The following PIK3C2G variants were observed in gnomAD, a reference collection of about 807,000 sequenced individuals.
The protein encoded by PIK3C2G is phosphatidylinositol-4-phosphate 3-kinase catalytic subunit type 2 gamma.
A neutral mutation model predicts 181.1 loss-of-function variants in PIK3C2G; 168 were observed. The ratio of observed to expected loss-of-function variants is 0.93; its 90% CI spans 0.82 to 1.05. PIK3C2G has a LOEUF of 1.05. PIK3C2G is among the 50% of genes least tolerant of loss of function. The pLI, the probability that PIK3C2G is intolerant of heterozygous loss-of-function variation, is 0.00. For synonymous variants in PIK3C2G, 573 were observed against 592.2 expected (o/e 0.97, Z 0.47); for missense variants, 1,869 against 1,732.8 (o/e 1.08, Z -1.40).
chr12:18,493,965 C>G (rs1298705993), intron 20 of PIK3C2G, among the ~76,000 whole-genome samples: 1 of 152,178 alleles, frequency 6.6e-6, no homozygotes, highest in Non-Finnish European at 1.5e-5. Flanking sequence ...GTGGGAGGAA[C>G]TGAATGCAAT....
At chr12:18,711,687 A>T in the PIK3C2G span, among the ~76,000 whole-genome samples, 31 of 151,922 alleles carry the variant, frequency 2.0e-4, no homozygotes, top group Non-Finnish European at 4.0e-4. Flanking sequence ...GATGGGGAAG[A>T]TCGTGGCGAG....
intron 29 of PIK3C2G, among the ~76,000 whole-genome samples, chr12:18,571,331 G>T (rs1945929686): frequency 6.6e-6 from 1 of 150,482 alleles, no homozygotes; most frequent in African/African-American, 2.5e-5. Flanking sequence ...AAAATTCCAT[G>T]CATGCTTTAG....
At chr12:18,683,714 A>T in the PIK3C2G span, 1 of 1,003,876 alleles carries the variant, frequency 1.0e-6, no homozygotes, top group Non-Finnish European at 1.4e-6. Context: ...TGCAACATAA[A>T]GGTAGTCAGC....
intron 23 of PIK3C2G, 130 bp downstream of exon 23, chr12:18,503,547 T>A: frequency 1.8e-6 from 1 of 564,256 alleles, no homozygotes; most frequent in Non-Finnish European, 2.9e-6. Context: ...GCCCAGTAAT[T>A]AATTAATCAG....
At chr12:18,621,461 A>G (rs1216843558) in intron 31 of PIK3C2G, among the ~76,000 whole-genome samples, 1 of 151,842 alleles carries the variant, frequency 6.6e-6, no homozygotes, top group South Asian at 2.1e-4. Context: ...TTAGAAAAAG[A>G]ATTATATCTA....
At chr12:18,608,824 G>A (rs2136590812) in intron 30 of PIK3C2G, among the ~76,000 whole-genome samples, 1 of 152,160 alleles carries the variant, frequency 6.6e-6, no homozygotes, top group East Asian at 1.9e-4. Flanking sequence ...AAGGCATTTT[G>A]ATCAAAAAAT....
At chr12:18,499,311 G>C (rs556618219) in intron 22 of PIK3C2G, among the ~76,000 whole-genome samples, 133 of 152,254 alleles carry the variant, frequency 8.7e-4, no homozygotes, top group African/African-American at 3.1e-3. Flanking sequence ...ATTTTTAGAA[G>C]ATTAGGTTGC....
intron 1 of PIK3C2G, among the ~76,000 whole-genome samples, chr12:18,276,456 C>G (rs1210819849): frequency 1.3e-5 from 2 of 152,142 alleles, no homozygotes; most frequent in African/African-American, 4.8e-5. Flanking sequence ...TTCTTGAAAC[C>G]AGGTCTCAAG....
chr12:18,290,620 G>A (rs1221533984), intron 3 of PIK3C2G, among the ~76,000 whole-genome samples: 2 of 152,096 alleles, frequency 1.3e-5, no homozygotes, highest in African/African-American at 4.8e-5. Flanking sequence ...AGATGCTCCT[G>A]GGAAAGCCTA....
chr12:18,571,564 T>C (rs985097897), intron 29 of PIK3C2G, among the ~76,000 whole-genome samples: 13 of 150,912 alleles, frequency 8.6e-5, no homozygotes, highest in Non-Finnish European at 1.6e-4. Flanking sequence ...GTTATATTTT[T>C]CCCATTATAT....
At chr12:18,722,432 G>T in the PIK3C2G span, among the ~76,000 whole-genome samples, 4 of 152,082 alleles carry the variant, frequency 2.6e-5, no homozygotes, top group African/African-American at 4.8e-5. Flanking sequence ...AATAAGTTTG[G>T]TTTTTTAGAA....
the PIK3C2G span, chr12:18,688,137 C>T: frequency 6.2e-7 from 1 of 1,611,550 alleles, no homozygotes; most frequent in Non-Finnish European, 8.5e-7. Context: ...TCATTTGGAA[C>T]ACCAAAAACT....
the PIK3C2G span, among the ~76,000 whole-genome samples, chr12:18,662,703 A>G: frequency 6.6e-6 from 1 of 152,124 alleles, no homozygotes; most frequent in Non-Finnish European, 1.5e-5. Flanking sequence ...TGAAGCATCA[A>G]TAACTGAAAA....
chr12:18,472,864 T>C (rs1337018723), intron 18 of PIK3C2G, among the ~76,000 whole-genome samples: 1 of 152,080 alleles, frequency 6.6e-6, no homozygotes, highest in Admixed American at 6.6e-5. Flanking sequence ...CACGCCCAGC[T>C]AATTTTTGTA....
chr12:18,523,339 G>T (rs866269957), intron 24 of PIK3C2G, among the ~76,000 whole-genome samples: 15 of 152,258 alleles, frequency 9.9e-5, no homozygotes, highest in Middle Eastern at 3.4e-3. Flanking sequence ...GCCTGCATAT[G>T]TGAGGACATC....
At chr12:18,574,975 T>C (rs1156272522) in intron 29 of PIK3C2G, among the ~76,000 whole-genome samples, 3 of 152,136 alleles carry the variant, frequency 2.0e-5, no homozygotes, top group South Asian at 2.1e-4. Context: ...AGCCTCCTAA[T>C]TGTAAAATAG....
rs77006380 is a variant in PIK3C2G at position 18,564,553 on chromosome 12, A to G, written c.3902+1055A>G. ...TTGAGTAGTTCACATTCATGAAAAA[A>G]AAAACTGTACTGGCATATGTAACAG... is the stretch of plus-strand genomic sequence containing the variant. On this transcript the variant is annotated intron_variant, in intron 28 of 32. Coordinates refer to ENST00000538779, the MANE Select transcript of PIK3C2G (RefSeq NM_001288772.2). 3.3e-3 allele frequency among the ~76,000 whole-genome samples: 505 copies of G among 152,158 alleles called. 6 individuals carry two copies. The East Asian group carries it at 0.054, about 16-fold the overall frequency.
Position 18,369,299 on chromosome 12 carries a change from C to T in PIK3C2G, c.1749-1881C>T, listed in dbSNP as rs116309453. On this transcript the variant is annotated intron_variant, in intron 12 of 32. Transcript: ENST00000538779. The stretch of plus-strand genomic sequence containing the variant: ...TTCTCATTCCTCTTTAGCATTCTCA[C>T]CTACTGTAAACATATCTCCCCATCT... Among the ~76,000 whole-genome samples the T allele has an allele frequency of 3.6e-3, 548 of 152,284 alleles. 3 individuals are homozygous for T. Among genetic ancestry groups the T allele is most frequent in the African/African-American group, 0.012 (518 of 41,578 alleles).
At chr12:18,474,087 A>C (rs1188735686) in intron 18 of PIK3C2G, among the ~76,000 whole-genome samples, 1 of 152,116 alleles carries the variant, frequency 6.6e-6, no homozygotes, top group Non-Finnish European at 1.5e-5. Flanking sequence ...TACCAAGAAC[A>C]ACAACTACTA....
Sources: gnomAD v4.1 joint callset for allele counts (sites outside exome capture counted in the v4.1 genomes callset) on GRCh38, gnomAD v4.1.1 for gene constraint, MANE v1.5 for transcripts, NCBI Gene and HGNC (gene_info 2026-07-23, HGNC 2026-07-21) for gene names.